SLAIN2: variants seen among roughly 807,000 people sequenced by gnomAD.
The protein encoded by SLAIN2 is SLAIN family member 2, also known as SLAIN motif-containing protein 2.
A neutral mutation model predicts 56.6 loss-of-function variants in SLAIN2; 31 were observed. That is an observed-to-expected ratio of 0.55 (90% CI 0.41 to 0.74). SLAIN2 has a LOEUF of 0.74. Ranked by LOEUF, SLAIN2 falls within the 30% of genes least tolerant of loss-of-function variation. SLAIN2 has a pLI of 0.00. For synonymous variants in SLAIN2, 317 were observed against 284.9 expected, an observed-to-expected ratio of 1.11 and a Z score of -1.13; for missense variants, 777 against 754.2, an observed-to-expected ratio of 1.03 and a Z score of -0.35.
intron 4 of SLAIN2, among the ~76,000 whole-genome samples, chr4:48,381,215 G>A (rs897766216): frequency 3.9e-5 from 6 of 152,020 alleles, no homozygotes; most frequent in African/African-American, 1.4e-4. Context: ...TTTTGGTTTT[G>A]TATTGTGTTT....
At position 48,422,121 on chromosome 4, in the gene SLAIN2, C is replaced by G. The variant is rs1340041496; in HGVS notation, c.*44C>G. The G allele has an allele frequency of 6.5e-7, 1 of 1,534,176 alleles. No individual in the cohort carries two copies. The highest frequency in any genetic ancestry group is 8.9e-7 in the Non-Finnish European group (1 of 1,117,816). On this transcript the variant is annotated 3_prime_UTR_variant, in exon 8 of 8. Transcript: ENST00000264313. Reference sequence around the variant, plus strand: ...CAGAAGTCCACGGCTTCATGGATACCCTTCACCAGGCTAAAAAACAACTTT... The same window carrying G: ...CAGAAGTCCACGGCTTCATGGATACGCTTCACCAGGCTAAAAAACAACTTT...
chr4:48,397,684 A>G (rs1281225085), intron 6 of SLAIN2, among the ~76,000 whole-genome samples: 1 of 152,060 alleles, frequency 6.6e-6, no homozygotes, highest in African/African-American at 2.4e-5. Flanking sequence ...GACAGCCGCC[A>G]GTGTGTGTTG....
At chr4:48,404,722 C>T (rs981499032) in intron 6 of SLAIN2, among the ~76,000 whole-genome samples, 101 of 152,134 alleles carry the variant, frequency 6.6e-4, no homozygotes, top group African/African-American at 2.2e-3. Flanking sequence ...TTTCTAAGGC[C>T]TTTGTCTTTC....
At chr4:48,398,875 C>T (rs1716477159) in intron 6 of SLAIN2, among the ~76,000 whole-genome samples, 3 of 152,152 alleles carry the variant, frequency 2.0e-5, no homozygotes, top group Admixed American at 2.0e-4. Flanking sequence ...TGTACCAGTA[C>T]TATGCCGTTT....
At chr4:48,344,032 G>A (rs1433977795) in intron 1 of SLAIN2, among the ~76,000 whole-genome samples, 1 of 152,174 alleles carries the variant, frequency 6.6e-6, no homozygotes, top group African/African-American at 2.4e-5. Flanking sequence ...AACACATTGA[G>A]TCCACTTGGG....
At chr4:48,418,986 G>T (rs1360540910) in intron 6 of SLAIN2, among the ~76,000 whole-genome samples, 1 of 152,114 alleles carries the variant, frequency 6.6e-6, no homozygotes, top group Non-Finnish European at 1.5e-5. Context: ...ATTCTGTTGC[G>T]TGGATATGCT....
At position 48,363,437 on chromosome 4, in the gene SLAIN2, G is replaced by T. The variant is rs1462616899; in HGVS notation, c.390-6412G>T. ...TCCCGGACGGGGCGGCTGGCCGGGC[G>T]GGGGGCTGACACCCCCACCTACCTC... On this transcript the variant is annotated intron_variant, in intron 1 of 7. Coordinates refer to ENST00000264313, the MANE Select transcript of SLAIN2 (RefSeq NM_020846.2). Among the ~76,000 whole-genome samples the T allele has an allele frequency of 4.6e-5, 3 of 65,618 alleles. 1 individual carries two copies. Among genetic ancestry groups the T allele is most frequent in the Non-Finnish European group, 1.1e-4 (3 of 26,684 alleles). The allele number at this position is 65,618 out of a possible 152,430, so 43.0% of individuals were successfully genotyped here. A position where few individuals can be genotyped will look rare whatever the true frequency, so the allele number is the denominator to read the frequency against.
At chr4:48,403,099 G>C (rs917013445) in intron 6 of SLAIN2, among the ~76,000 whole-genome samples, 1 of 152,164 alleles carries the variant, frequency 6.6e-6, no homozygotes, top group Admixed American at 6.5e-5. Context: ...TGGGAGCTCC[G>C]TCCCAGGGGG....
chr4:48,374,848 C>G (rs1386459299), intron 2 of SLAIN2, among the ~76,000 whole-genome samples: 1 of 152,150 alleles, frequency 6.6e-6, no homozygotes, highest in African/African-American at 2.4e-5. Flanking sequence ...TTGCCAGCTT[C>G]TGCGACAAGA....
intron 3 of SLAIN2, among the ~76,000 whole-genome samples, chr4:48,378,552 A>T (rs1013464103): frequency 3.3e-5 from 5 of 152,138 alleles, no homozygotes; most frequent in African/African-American, 1.2e-4. Context: ...TGAGACTGTT[A>T]TTGTGTAGCT....
intron 2 of SLAIN2, among the ~76,000 whole-genome samples, chr4:48,372,618 A>G (rs1291811229): frequency 1.3e-5 from 2 of 152,172 alleles, no homozygotes; most frequent in Non-Finnish European, 2.9e-5. Flanking sequence ...AAAAATAGCA[A>G]TTTTGAGTGA....
intron 1 of SLAIN2, among the ~76,000 whole-genome samples, chr4:48,366,330 T>C (rs145865427): frequency 1.3e-5 from 2 of 152,342 alleles, no homozygotes; most frequent in East Asian, 3.9e-4. Flanking sequence ...GTAAAGTTGG[T>C]TGATAATGTT....
chr4:48,394,274 C>A (rs1716319439), intron 6 of SLAIN2, among the ~76,000 whole-genome samples: 1 of 152,080 alleles, frequency 6.6e-6, no homozygotes, highest in Non-Finnish European at 1.5e-5. Flanking sequence ...CTTTGTATCC[C>A]TAGCATGTTT....
chr4:48,399,855 A>T (rs947848482), intron 6 of SLAIN2, among the ~76,000 whole-genome samples: 1 of 151,866 alleles, frequency 6.6e-6, no homozygotes, highest in African/African-American at 2.4e-5. Flanking sequence ...GATAAAGCCA[A>T]CTGGATCTTG....
In SLAIN2 at chr4:48,422,231, C is replaced by A. The variant is rs898510760; in HGVS notation, c.*154C>A. ...TTAATTAGCACAAACCGACAGAGAT[C>A]ATCAAACAGCACTTTAATGACATTT... is the stretch of plus-strand genomic sequence containing the variant. On this transcript the variant is annotated 3_prime_UTR_variant, in exon 8 of 8. Coordinates refer to ENST00000264313, the MANE Select transcript of SLAIN2 (RefSeq NM_020846.2). 6.8e-6 allele frequency: 4 copies of A among 592,546 alleles called. No individual in the cohort carries two copies. Among genetic ancestry groups the A allele is most frequent in the East Asian group, 2.8e-5 (1 of 35,566 alleles). The allele number at this position is 592,546 out of a possible 1,614,324, so 36.7% of individuals were successfully genotyped here. A position where few individuals can be genotyped will look rare whatever the true frequency, so the allele number is the denominator to read the frequency against.
At chr4:48,354,617 C>T (rs1345243477) in intron 1 of SLAIN2, among the ~76,000 whole-genome samples, 1 of 151,930 alleles carries the variant, frequency 6.6e-6, no homozygotes, top group Non-Finnish European at 1.5e-5. Context: ...CAGACACCCA[C>T]CACCACATTC....
chr4:48,379,522 C>T (rs1247184657), intron 3 of SLAIN2, among the ~76,000 whole-genome samples, 168 bp from the exon 4 acceptor site: 1 of 152,002 alleles, frequency 6.6e-6, no homozygotes, highest in Non-Finnish European at 1.5e-5. Context: ...CAGTAGCCCT[C>T]ATTTTTCTTA....
chr4:48,362,660 C>T (rs1715359404), intron 1 of SLAIN2, among the ~76,000 whole-genome samples: 1 of 150,710 alleles, frequency 6.6e-6, no homozygotes, highest in Non-Finnish European at 1.5e-5. Flanking sequence ...ACCTTGTGAT[C>T]CGCCCACCTC....
intron 7 of SLAIN2, among the ~76,000 whole-genome samples, chr4:48,421,006 GT>G (rs964032315): frequency 6.7e-6 from 1 of 150,338 alleles, no homozygotes; most frequent in South Asian, 2.1e-4. Flanking sequence ...TTTTTGTTTT[GT>G]TTTTGTTTTT....
Sources: allele counts gnomAD v4.1 joint callset (sites outside exome capture counted in the v4.1 genomes callset), GRCh38; gene constraint gnomAD v4.1.1; transcripts MANE v1.5; gene names NCBI Gene and HGNC (gene_info 2026-07-23, HGNC 2026-07-21).